Variants in SF3B1 observed in about 807,000 individuals in gnomAD.
SF3B1 encodes the protein pre-mRNA processing 10.
SF3B1 carries 12 observed loss-of-function variants against 153.8 expected under a neutral mutation model. That is an observed-to-expected ratio of 0.08 (90% CI 0.05 to 0.13). SF3B1 has a LOEUF of 0.13. Ranked by LOEUF, SF3B1 falls within the 10% of genes least tolerant of loss-of-function variation. The pLI is 1.00. For synonymous variants in SF3B1, 498 were observed against 525.2 expected, an observed-to-expected ratio of 0.95 and a Z score of 0.71; for missense variants, 513 against 1,606.1, an observed-to-expected ratio of 0.32 and a Z score of 11.63.
chr2:197,408,576 G>T lies in SF3B1; in HGVS notation c.910C>A (p.Pro304Thr), dbSNP rs2105994501. The change falls in exon 8 of 25, where the codon CCT becomes ACT. Residue 304 changes from proline (P) to threonine (T), a missense_variant. Around this residue, in one of 21 missense-constraint regions of SF3B1, gnomAD observed 91 missense variants for 157.4 expected, o/e 0.58. Coordinates refer to ENST00000335508, the MANE Select transcript of SF3B1 (RefSeq NM_012433.4). ...DETPKTERDTPGHGSGWAETP... is the reference protein window; with the variant it reads ...DETPKTERDTTGHGSGWAETP... Reference sequence around the variant, plus strand: ...TCAGCCCATCCACTTCCATGCCCAGGAGTATCTTTAAAAAGAAAGAGTGAG... The same window carrying T: ...TCAGCCCATCCACTTCCATGCCCAGTAGTATCTTTAAAAAGAAAGAGTGAG... 6.2e-7 allele frequency: 1 copy of T among 1,608,840 alleles called. No homozygotes were observed. The highest frequency in any genetic ancestry group is 8.5e-7 in the Non-Finnish European group (1 of 1,176,896).
chr2:197,406,071 C>T (rs1359208764), intron 9 of SF3B1, among the ~76,000 whole-genome samples: 1 of 146,050 alleles, frequency 6.8e-6, no homozygotes, highest in Non-Finnish European at 1.5e-5. Flanking sequence ...GGCTGAAAAT[C>T]ACAAAGAAAT....
At position 197,401,040 on chromosome 2, in the gene SF3B1, A is replaced by G; in HGVS notation, c.2497-104T>C. On this transcript the variant is annotated intron_variant, in intron 17 of 24. Coordinates refer to ENST00000335508, the MANE Select transcript of SF3B1 (RefSeq NM_012433.4). This position sits in a 1 kb window ranked among gnomAD's most constrained non-coding sequence, Gnocchi z 4.2. Reference sequence around the variant, plus strand: ...TCTAAATATACTACTTATTTAGCTAATAAACATGGTAAGAATGATTCATTG... The same window carrying G: ...TCTAAATATACTACTTATTTAGCTAGTAAACATGGTAAGAATGATTCATTG... 1.4e-6 allele frequency: 1 copy of G among 690,792 alleles called. No homozygotes were observed. The highest frequency in any genetic ancestry group is 1.9e-5 in the South Asian group (1 of 52,250). The allele number at this position is 690,792 out of a possible 1,614,324, so 42.8% of individuals were successfully genotyped here.
At chr2:197,410,120 A>C in intron 6 of SF3B1, 113 bp from the exon 7 acceptor site, 1 of 661,278 alleles carries the variant, frequency 1.5e-6, no homozygotes, top group Non-Finnish European at 2.6e-6. Context: ...CACTATAATT[A>C]ATGAAAAGTT....
At chr2:197,433,027 C>A (rs2085465818) in intron 1 of SF3B1, among the ~76,000 whole-genome samples, 1 of 152,160 alleles carries the variant, frequency 6.6e-6, no homozygotes, top group African/African-American at 2.4e-5. Flanking sequence ...AGTACTATAG[C>A]AGCACTGCCC....
intron 1 of SF3B1, among the ~76,000 whole-genome samples, chr2:197,429,397 T>C (rs2085390222): frequency 6.6e-6 from 1 of 152,226 alleles, no homozygotes; most frequent in Admixed American, 6.5e-5. Flanking sequence ...TTATCCATTC[T>C]CTAGCTGAAG....
intron 9 of SF3B1, among the ~76,000 whole-genome samples, chr2:197,406,558 C>T (rs2084995716): frequency 6.6e-6 from 1 of 152,118 alleles, no homozygotes; most frequent in South Asian, 2.1e-4. Flanking sequence ...TTTATATTCA[C>T]TAGTAAGGAC....
intron 5 of SF3B1, 133 bp from the exon 6 acceptor site, chr2:197,417,044 T>C: frequency 1.2e-6 from 1 of 851,120 alleles, no homozygotes; most frequent in Non-Finnish European, 1.8e-6. Flanking sequence ...TGATCTCCTT[T>C]CTACGCTCGC....
At chr2:197,424,075 T>C (rs1242606047) in intron 1 of SF3B1, 101 bp from the exon 2 acceptor site, 46 of 975,940 alleles carry the variant, frequency 4.7e-5, no homozygotes, top group Non-Finnish European at 1.5e-6. Context: ...CTCTCTTAAA[T>C]ACAGAAAATG....
At position 197,402,364 on chromosome 2, in the gene SF3B1, A is replaced by G. The variant is rs2084944341; in HGVS notation, c.2077+192T>C. The G allele has an allele frequency of 4.3e-6, 3 of 696,984 alleles. No individual in the cohort carries two copies. Among genetic ancestry groups the G allele is most frequent in the Non-Finnish European group, 7.0e-6 (3 of 427,028 alleles). The allele number at this position is 696,984 out of a possible 1,614,324, so 43.2% of individuals were successfully genotyped here. ...GCCTTTCCATTTATCTCCCCAAATC[A>G]GTAGCCCAAATTTTAGGACAGCTGT... On this transcript the variant is annotated intron_variant, in intron 14 of 24. Transcript: ENST00000335508. The surrounding 1 kb of genome is among the most constrained non-coding windows in gnomAD (Gnocchi z 4.6).
In SF3B1 at chr2:197,402,573, A is replaced by G; in HGVS notation, c.2060T>C (p.Val687Ala). Reference sequence around the variant, plus strand: ...CAACTTACCATGTTCAATGATTTCAACTAAACTTCTAAGATGTGGCAAGAT... The same window carrying G: ...CAACTTACCATGTTCAATGATTTCAGCTAAACTTCTAAGATGTGGCAAGAT... ...CAILPHLRSL[V>A]EIIEHGLVDE... The change falls in exon 14 of 25, where the codon GTT (valine) becomes GCT (alanine). Residue 687 changes from valine (V) to alanine (A), a missense_variant. Around this residue, in one of 21 missense-constraint regions of SF3B1, gnomAD observed 50 missense variants for 236.5 expected, o/e 0.21. Transcript: ENST00000335508. The surrounding 1 kb of genome is among the most constrained non-coding windows in gnomAD (Gnocchi z 4.6). The G allele has an allele frequency of 6.2e-7, 1 of 1,613,718 alleles. No individual in the cohort carries two copies. The highest frequency in any genetic ancestry group is 8.5e-7 in the Non-Finnish European group (1 of 1,179,632).
intron 6 of SF3B1, among the ~76,000 whole-genome samples, chr2:197,410,233 C>T (rs533167988): frequency 2.6e-5 from 4 of 151,842 alleles, no homozygotes; most frequent in African/African-American, 9.7e-5. Context: ...GACAAAAGTC[C>T]CAGCTTAAAA....
Position 197,402,360 on chromosome 2 carries a change from A to G in SF3B1, c.2077+196T>C. On this transcript the variant is annotated intron_variant, in intron 14 of 24. Coordinates refer to ENST00000335508, the MANE Select transcript of SF3B1 (RefSeq NM_012433.4). This position sits in a 1 kb window ranked among gnomAD's most constrained non-coding sequence, Gnocchi z 4.6. ...CTATGCCTTTCCATTTATCTCCCCA[A>G]ATCAGTAGCCCAAATTTTAGGACAG... 3 of 701,798 alleles carry G rather than the reference A, an allele frequency of 4.3e-6. No individual in the cohort carries two copies. The highest frequency in any genetic ancestry group is 4.1e-4 in the Middle Eastern group (1 of 2,468). 43.5% of individuals were successfully genotyped at this position (701,798 alleles called of 1,614,324 possible). A position where few individuals can be genotyped will look rare whatever the true frequency, so the allele number is the denominator to read the frequency against.
intron 12 of SF3B1, 48 bp downstream of exon 12, chr2:197,403,537 A>G (rs2084957550): frequency 1.5e-6 from 2 of 1,307,606 alleles, no homozygotes; most frequent in Admixed American, 5.4e-5. Context: ...GATTAACTGA[A>G]AAAGTTAAAA....
At position 197,405,351 on chromosome 2, in the gene SF3B1, T is replaced by C; in HGVS notation, c.1361A>G (p.Lys454Arg). The C allele has an allele frequency of 1.9e-6, 3 of 1,614,092 alleles. No individual in the cohort carries two copies. Among genetic ancestry groups the C allele is most frequent in the Middle Eastern group, 1.7e-4 (1 of 6,058 alleles). ...TCCAGATGGCTGGTCATTAACACTT[T>C]TCATAGTTCGATCTTCAGTTTGCAT... ...FHMQTEDRTM[K>R]SVNDQPSGNL... is the part of the protein sequence containing the mutation. The change falls in exon 10 of 25, where the codon AAA becomes AGA. Residue 454 changes from lysine (K) to arginine (R), a missense_variant. Lys to Arg is a conservative substitution (Grantham distance 26, BLOSUM62 2). Coordinates refer to ENST00000335508, the MANE Select transcript of SF3B1 (RefSeq NM_012433.4).
rs2084799753 is a variant in SF3B1 at position 197,390,607 on chromosome 2, T to TC, written c.*1695dup. ...ATGCTCACTATCAATTTGTTGAAAG[T>TC]CAATTTTTTTTTTTTTTTTGAGACG... is the stretch of plus-strand genomic sequence containing the variant. On this transcript the variant is annotated 3_prime_UTR_variant, in exon 25 of 25. Transcript: ENST00000335508. 1 of 124,966 alleles carries TC rather than the reference T, an allele frequency of 8.0e-6. No homozygotes were observed. Among genetic ancestry groups the TC allele is most frequent in the African/African-American group, 3.3e-5 (1 of 30,260 alleles). 7.7% of individuals were successfully genotyped at this position (124,966 alleles called of 1,614,324 possible).
chr2:197,422,862 C>G (rs2085268447), intron 2 of SF3B1, among the ~76,000 whole-genome samples: 1 of 151,722 alleles, frequency 6.6e-6, no homozygotes, highest in South Asian at 2.1e-4. Context: ...TGCATTCCAG[C>G]CTGGGCAACA....
intron 20 of SF3B1, 47 bp from the exon 21 acceptor site, chr2:197,398,628 T>C (rs1408293409): frequency 2.5e-6 from 4 of 1,577,124 alleles, no homozygotes; most frequent in Middle Eastern, 1.7e-4. Context: ...ATTGCAACTT[T>C]TGTTCACTTT....
chr2:197,400,571 A>T lies in SF3B1; in HGVS notation c.2719-137T>A. ...TACATCAAATCTTAAAACTTGAGGT[A>T]GAATAATATCGTTTGGTAACCCCCT... On this transcript the variant is annotated intron_variant, in intron 18 of 24. Transcript: ENST00000335508. The surrounding 1 kb of genome is among the most constrained non-coding windows in gnomAD (Gnocchi z 5.0). 3 of 1,013,280 alleles carry T rather than the reference A, an allele frequency of 3.0e-6. No individual in the cohort carries two copies. Among genetic ancestry groups the T allele is most frequent in the Non-Finnish European group, 4.3e-6 (3 of 699,688 alleles). 62.8% of individuals were successfully genotyped at this position (1,013,280 alleles called of 1,614,324 possible).
intron 23 of SF3B1, among the ~76,000 whole-genome samples, chr2:197,394,359 G>A (rs1443579420): frequency 2.6e-5 from 4 of 152,046 alleles, no homozygotes; most frequent in African/African-American, 9.7e-5. Context: ...TAGTACTTCA[G>A]ATACTGGTAT....
Sources: gnomAD v4.1 joint callset for allele counts (sites outside exome capture counted in the v4.1 genomes callset) on GRCh38, gnomAD v4.1.1 for gene constraint, gnomAD v4.1.1 regional missense constraint, Gnocchi (gnomAD v3.1) non-coding constraint, MANE v1.5 for transcripts, NCBI Gene and HGNC (gene_info 2026-07-23, HGNC 2026-07-21) for gene names.